Variants in DENND3 observed in about 807,000 individuals in gnomAD.
DENND3 encodes DENN domain containing 3.
DENND3 carries 88 observed loss-of-function variants against 135.1 expected under a neutral mutation model. The ratio of observed to expected loss-of-function variants is 0.65; its 90% CI spans 0.55 to 0.78. DENND3 has a LOEUF of 0.78. Among genes scored for constraint, DENND3 ranks in the 30% least tolerant of loss-of-function variants. The pLI is 0.00. For missense variants in DENND3, 1,392 were observed against 1,688.4 expected, an observed-to-expected ratio of 0.82 and a Z score of 3.08; for synonymous variants, 693 against 712.3, an observed-to-expected ratio of 0.97 and a Z score of 0.43.
At position 141,138,206 on chromosome 8, in the gene DENND3, C is replaced by G; in HGVS notation, c.501+69C>G. On this transcript the variant is annotated intron_variant, in intron 3 of 22. Coordinates refer to ENST00000519811, the MANE Select transcript of DENND3 (RefSeq NM_001352890.3). The surrounding 1 kb of genome is among the most constrained non-coding windows in gnomAD (Gnocchi z 4.8). ...TTTTATTATGGTGAAATACACATAA[C>G]ACAACATTCACCATTCTAACCATTT... The G allele has an allele frequency of 7.0e-7, 1 of 1,421,738 alleles. No individual in the cohort carries two copies. The highest frequency in any genetic ancestry group is 9.7e-7 in the Non-Finnish European group (1 of 1,030,502). 88.1% of individuals were successfully genotyped at this position (1,421,738 alleles called of 1,614,324 possible).
chr8:141,148,367 C>A (rs1168694321), intron 5 of DENND3, among the ~76,000 whole-genome samples: 1 of 152,182 alleles, frequency 6.6e-6, no homozygotes, highest in East Asian at 1.9e-4. Flanking sequence ...ACAGCCGGAG[C>A]AGGGCAAAGA....
rs1005038114 is a variant in DENND3 at position 141,154,098 on chromosome 8, G to A, written c.1075-1751G>A. On this transcript the variant is annotated intron_variant, in intron 7 of 22. Transcript: ENST00000519811. The surrounding 1 kb of genome is among the most constrained non-coding windows in gnomAD (Gnocchi z 4.4). ...GTGTGCCTCGCTGCTTTAGCGTTTT[G>A]TGTATTTGCCTTGTAAGGTTTTGAG... Among the ~76,000 whole-genome samples the A allele has an allele frequency of 2.6e-5, 4 of 152,240 alleles. No homozygotes were observed. Among genetic ancestry groups the A allele is most frequent in the Non-Finnish European group, 4.4e-5 (3 of 68,042 alleles).
Position 141,151,748 on chromosome 8 carries a change from A to G in DENND3, c.985A>G (p.Ile329Val), listed in dbSNP as rs769858175. The change falls in exon 7 of 23, where the codon ATC becomes GTC. Residue 329 changes from isoleucine (I) to valine (V), a missense_variant. Transcript: ENST00000519811. ...GCAGTGGCAGCACCCCTTCGTGCCC[A>G]TCCTGTCGGACCAGATGCTGGATTT... is the stretch of plus-strand genomic sequence containing the variant. ...PLQWQHPFVP[I>V]LSDQMLDFVM... The G allele has an allele frequency of 1.2e-6, 2 of 1,614,012 alleles. No individual in the cohort carries two copies. Among genetic ancestry groups the G allele is most frequent in the African/African-American group, 2.7e-5 (2 of 74,894 alleles).
rs1316469069 is a variant in DENND3, at chr8:141,139,077, G to A, written c.501+940G>A. On this transcript the variant is annotated intron_variant, in intron 3 of 22. Transcript: ENST00000519811. The surrounding 1 kb of genome is among the most constrained non-coding windows in gnomAD (Gnocchi z 4.2). ...AACGATGTATCCAAAGGTGCAGGGT[G>A]ACCTGCTGCACACGTCCAGAGGGTT... 6.6e-6 allele frequency among the ~76,000 whole-genome samples: 1 copy of A among 152,170 alleles called. No homozygotes were observed. The highest frequency in any genetic ancestry group is 1.9e-4 in the East Asian group (1 of 5,186).
chr8:141,180,012 G>A lies in DENND3; in HGVS notation c.2837-735G>A, dbSNP rs368409745. Among the ~76,000 whole-genome samples the A allele has an allele frequency of 1.9e-4, 29 of 152,322 alleles. No individual in the cohort carries two copies. The East Asian group carries it at 1.9e-3, about 10-fold the overall frequency. Reference sequence around the variant, plus strand: ...ATGAGGAGCCGTGTCAGAGCAGGCTGTGCCCGGGGGCCTCCAGGCAGGAGG... The same window carrying A: ...ATGAGGAGCCGTGTCAGAGCAGGCTATGCCCGGGGGCCTCCAGGCAGGAGG... On this transcript the variant is annotated intron_variant, in intron 16 of 22. Transcript: ENST00000519811.
At chr8:141,184,712 T>G (rs307738) in intron 17 of DENND3, 18,852 of 162,198 alleles carry the variant, frequency 0.12, 3,278 homozygotes, top group African/African-American at 0.39. Context: ...CGGAGCCCGC[T>G]GCACATGAGG....
At chr8:141,193,886 G>A (rs752810507) in intron 22 of DENND3, 147 bp from the exon 23 acceptor site, 21 of 845,184 alleles carry the variant, frequency 2.5e-5, no homozygotes, top group East Asian at 1.1e-4. Flanking sequence ...CCTGCCAGGC[G>A]GCCCTGACCC....
chr8:141,194,169 A>G lies in DENND3; in HGVS notation c.3773A>G (p.Asp1258Gly). Residue 1258 changes from aspartate (D) to glycine (G), a missense_variant, in exon 23 of 23, where the codon GAC becomes GGC. By Grantham distance (94) the Asp-to-Gly change is moderately conservative. Transcript: ENST00000519811. ...GTGAGGACGCTGTGCTCGGCTGAGG[A>G]CAGATACGTGCTGAGTGGGTCGGGC... Reference protein sequence around the residue: ...DTVRTLCSAEDRYVLSGSGRE... With the variant: ...DTVRTLCSAEGRYVLSGSGRE... 1 of 1,613,664 alleles carries G rather than the reference A, an allele frequency of 6.2e-7. No homozygotes were observed. The highest frequency in any genetic ancestry group is 8.5e-7 in the Non-Finnish European group (1 of 1,179,958).
chr8:141,157,322 C>T lies in DENND3; in HGVS notation c.1196+1352C>T, dbSNP rs1430771821. 4.1e-6 allele frequency: 4 copies of T among 985,174 alleles called. No homozygotes were observed. The African/African-American group carries it at 7.0e-5, about 17-fold the overall frequency. The allele number at this position is 985,174 out of a possible 1,614,324, so 61.0% of individuals were successfully genotyped here. ...TCAGGACGGAGGTGTTGGGTGTGCC[C>T]CAAGCAGTGACTCAGCTTCAGTGCC... On this transcript the variant is annotated intron_variant, in intron 8 of 22. Transcript: ENST00000519811.
chr8:141,152,873 G>A (rs909817392), intron 7 of DENND3, among the ~76,000 whole-genome samples: 1 of 152,184 alleles, frequency 6.6e-6, no homozygotes, highest in African/African-American at 2.4e-5. Context: ...CCAGCAGTAC[G>A]AGGGTTCTAG....
At chr8:141,136,400 T>A (rs1046984684) in intron 1 of DENND3, 109 bp from the exon 2 acceptor site, 4 of 1,186,390 alleles carry the variant, frequency 3.4e-6, no homozygotes, top group Non-Finnish European at 4.6e-6. Context: ...CGCCAGTGTT[T>A]ATGGGCACCG....
chr8:141,146,114 T>C lies in DENND3; in HGVS notation c.735+1855T>C, dbSNP rs1818100929. 6.6e-6 allele frequency among the ~76,000 whole-genome samples: 1 copy of C among 152,186 alleles called. No homozygotes were observed. On this transcript the variant is annotated intron_variant, in intron 5 of 22. Coordinates refer to ENST00000519811, the MANE Select transcript of DENND3 (RefSeq NM_001352890.3). This position sits in a 1 kb window ranked among gnomAD's most constrained non-coding sequence, Gnocchi z 4.3. ...TCCCCGCCTCGGCCTCCCGAAGTGC[T>C]GGGATTACAGCGTGAGCCACCGCGC...
Position 141,128,670 on chromosome 8 carries a change from CGCCCGAGT to C in DENND3, c.-35_-28del. On this transcript the variant is annotated 5_prime_UTR_variant, in exon 1 of 23. Coordinates refer to ENST00000519811, the MANE Select transcript of DENND3 (RefSeq NM_001352890.3). The surrounding 1 kb of genome is among the most constrained non-coding windows in gnomAD (Gnocchi z 4.5). ...TCTGCGGGCGACTGCGCGGCTGAGG[CGCCCGAGT>C]GCGGTACTGGCGGCGGGCGGCGGGC... 3.9e-6 allele frequency: 5 copies of C among 1,288,620 alleles called. No individual in the cohort carries two copies. The highest frequency in any genetic ancestry group is 5.0e-6 in the Non-Finnish European group (5 of 1,009,864). 79.8% of individuals were successfully genotyped at this position (1,288,620 alleles called of 1,614,324 possible). A position where few individuals can be genotyped will look rare whatever the true frequency, so the allele number is the denominator to read the frequency against.
chr8:141,137,907 C>A lies in DENND3; in HGVS notation c.386-115C>A. ...AATGAACCCGCCTTGGACATGAAGG[C>A]ACCACCACTGCTAACTGTGGAGGTG... On this transcript the variant is annotated intron_variant, in intron 2 of 22. Transcript: ENST00000519811. The surrounding 1 kb of genome is among the most constrained non-coding windows in gnomAD (Gnocchi z 4.1). 9.8e-7 allele frequency: 1 copy of A among 1,021,922 alleles called. No homozygotes were observed. Among genetic ancestry groups the A allele is most frequent in the Non-Finnish European group, 1.4e-6 (1 of 697,922 alleles). 63.3% of individuals were successfully genotyped at this position (1,021,922 alleles called of 1,614,324 possible).
intron 5 of DENND3, among the ~76,000 whole-genome samples, chr8:141,147,649 C>T (rs1293809474): frequency 6.6e-6 from 1 of 152,234 alleles, no homozygotes; most frequent in African/African-American, 2.4e-5. Flanking sequence ...GCACCCAGTT[C>T]TCATCCCGCA....
Position 141,141,437 on chromosome 8 carries a change from C to T in DENND3, c.623+113C>T. The T allele has an allele frequency of 7.5e-6, 10 of 1,324,876 alleles. No individual in the cohort carries two copies. The highest frequency in any genetic ancestry group is 1.3e-5 in the South Asian group (1 of 77,572). The allele number at this position is 1,324,876 out of a possible 1,614,324, so 82.1% of individuals were successfully genotyped here. A position where few individuals can be genotyped will look rare whatever the true frequency, so the allele number is the denominator to read the frequency against. ...GGTGGGGGGGCAGCTCTCTGTTCCT[C>T]TCCTGGTGAGCCGGGGGACCGGGCG... On this transcript the variant is annotated intron_variant, in intron 4 of 22. Coordinates refer to ENST00000519811, the MANE Select transcript of DENND3 (RefSeq NM_001352890.3). The surrounding 1 kb of genome is among the most constrained non-coding windows in gnomAD (Gnocchi z 5.3).
intron 22 of DENND3, chr8:141,193,798 T>C (rs1825087120): frequency 1.7e-6 from 1 of 583,478 alleles, no homozygotes; most frequent in Non-Finnish European, 3.1e-6. Context: ...CCCCAGCACT[T>C]TTCCAGCACG....
intron 8 of DENND3, among the ~76,000 whole-genome samples, chr8:141,156,744 T>C (rs1189170382): frequency 2.6e-5 from 4 of 152,010 alleles, no homozygotes; most frequent in African/African-American, 9.7e-5. Flanking sequence ...TGTCCATTTC[T>C]TTCACTCCCG....
In DENND3 at chr8:141,180,762, C is replaced by T. The variant is rs564384072; in HGVS notation, c.2852C>T (p.Pro951Leu). 1.4e-5 allele frequency: 23 copies of T among 1,612,954 alleles called. No individual in the cohort carries two copies. Among genetic ancestry groups the T allele is most frequent in the Middle Eastern group, 3.3e-4 (2 of 6,060 alleles). ...TGTCTTTCAGTGCCCATGACGCTTC[C>T]GGAGACAACCCTGGAAACACTGAAG... ...KMSNEMPMTL[P>L]ETTLETLKHK... Residue 951 changes from proline to leucine, a missense_variant, in exon 17 of 23, where the codon CCG becomes CTG. Physicochemically the swap from Pro to Leu is moderately conservative, Grantham distance 98 (BLOSUM62 -3). Transcript: ENST00000519811.
Sources: allele counts gnomAD v4.1 joint callset (sites outside exome capture counted in the v4.1 genomes callset), GRCh38; gene constraint gnomAD v4.1.1; non-coding constraint Gnocchi (gnomAD v3.1); transcripts MANE v1.5; gene names NCBI Gene and HGNC (gene_info 2026-07-23, HGNC 2026-07-21).